ATXN2: variants seen among roughly 807,000 people sequenced by gnomAD.
The protein encoded by ATXN2 is ataxin-2.
A neutral mutation model predicts 138.6 loss-of-function variants in ATXN2; 37 were observed. The observed-to-expected ratio is 0.27, with a 90% CI of 0.21 to 0.35. The LOEUF (loss-of-function observed/expected upper bound fraction) is 0.35, where lower values mean the gene tolerates loss of function less well. Among genes scored for constraint, ATXN2 ranks in the 10% least tolerant of loss-of-function variants. The pLI, the probability that ATXN2 is intolerant of heterozygous loss-of-function variation, is 1.00. For missense variants in ATXN2, 1,216 were observed against 1,480.3 expected (o/e 0.82, Z 2.93); for synonymous variants, 549 against 543.7 (o/e 1.01, Z -0.13).
intron 1 of ATXN2, among the ~76,000 whole-genome samples, chr12:111,558,315 T>C: frequency 1.3e-5 from 2 of 152,298 alleles, no homozygotes; most frequent in Middle Eastern, 6.8e-3. Context: ...ACCAAATATT[T>C]TACTATTTAA....
intron 1 of ATXN2, among the ~76,000 whole-genome samples, chr12:111,591,416 T>C (rs779370572): frequency 2.6e-5 from 4 of 152,088 alleles, no homozygotes; most frequent in Non-Finnish European, 5.9e-5. Flanking sequence ...ACACCTGTAA[T>C]CTCAGCACTT....
At chr12:111,536,391 G>A (rs1437310217) in intron 5 of ATXN2, among the ~76,000 whole-genome samples, 1 of 152,098 alleles carries the variant, frequency 6.6e-6, no homozygotes, top group African/African-American at 2.4e-5. Flanking sequence ...AATCTACAGT[G>A]AGATACTACT....
In ATXN2 at chr12:111,552,502, T is replaced by G. The variant is rs1410993791; in HGVS notation, c.421-72A>C. ...AATTTGTTAGGAATTCTTTAGCTCA[T>G]CAAGGTACCAGTTCTTATATGCCTT... On this transcript the variant is annotated intron_variant, in intron 4 of 24. Transcript: ENST00000673436. This position sits in a 1 kb window ranked among gnomAD's most constrained non-coding sequence, Gnocchi z 4.1. The G allele has an allele frequency of 1.1e-5, 17 of 1,494,870 alleles. No homozygotes were observed. Among genetic ancestry groups the G allele is most frequent in the Non-Finnish European group, 1.5e-5 (17 of 1,115,420 alleles). The allele number at this position is 1,494,870 out of a possible 1,614,324, so 92.6% of individuals were successfully genotyped here.
At chr12:111,480,032 AAAAAAG>A (rs1877115425) in intron 18 of ATXN2, among the ~76,000 whole-genome samples, 2 of 151,808 alleles carry the variant, frequency 1.3e-5, no homozygotes, top group East Asian at 1.9e-4. Flanking sequence ...ATCAAAAAAA[AAAAAAG>A]AAAAAGAAAT....
At chr12:111,560,692 C>G (rs1330325540) in intron 1 of ATXN2, among the ~76,000 whole-genome samples, 1 of 152,040 alleles carries the variant, frequency 6.6e-6, no homozygotes, top group Non-Finnish European at 1.5e-5. Flanking sequence ...ACCACCACCC[C>G]CAACCATAGG....
intron 1 of ATXN2, among the ~76,000 whole-genome samples, chr12:111,585,853 T>C (rs939915032): frequency 3.3e-5 from 5 of 150,906 alleles, no homozygotes; most frequent in Non-Finnish European, 5.9e-5. Context: ...GTATACTTGT[T>C]GAGCTCTTGT....
At position 111,516,617 on chromosome 12, in the gene ATXN2, A is replaced by C. The variant is rs1879870565; in HGVS notation, c.1166-254T>G. Among the ~76,000 whole-genome samples the C allele has an allele frequency of 6.6e-6, 1 of 152,196 alleles. No homozygotes were observed. The highest frequency in any genetic ancestry group is 1.5e-5 in the Non-Finnish European group (1 of 68,028). ...AAAGGGTTAATTAGGATCTATACACACTATTGAAGAAGACAGTTAAGACTT... is the reference window on the plus strand; with the variant it reads ...AAAGGGTTAATTAGGATCTATACACCCTATTGAAGAAGACAGTTAAGACTT... On this transcript the variant is annotated intron_variant, in intron 9 of 24. Coordinates refer to ENST00000673436, the MANE Select transcript of ATXN2 (RefSeq NM_001372574.1). The surrounding 1 kb of genome is among the most constrained non-coding windows in gnomAD (Gnocchi z 5.0).
intron 1 of ATXN2, among the ~76,000 whole-genome samples, chr12:111,559,990 G>T (rs1220552086): frequency 6.6e-6 from 1 of 152,156 alleles, no homozygotes; most frequent in Non-Finnish European, 1.5e-5. Flanking sequence ...CTAAATTGTA[G>T]TTGTCTAGTT....
chr12:111,576,876 T>C (rs537049765), intron 1 of ATXN2, among the ~76,000 whole-genome samples: 7 of 151,918 alleles, frequency 4.6e-5, no homozygotes, highest in African/African-American at 9.7e-5. Flanking sequence ...GAGAATGGCA[T>C]GAACCTGGGA....
intron 10 of ATXN2, among the ~76,000 whole-genome samples, chr12:111,515,763 G>A (rs1879819330): frequency 6.6e-6 from 1 of 152,154 alleles, no homozygotes; most frequent in Admixed American, 6.5e-5. Context: ...CCAATAGGAA[G>A]GTTCACTAGG....
upstream of ATXN2, chr12:111,599,378 G>C (rs770648742): frequency 8.6e-7 from 1 of 1,161,520 alleles, no homozygotes; most frequent in South Asian, 4.2e-5. Context: ...CGGTCCCGGG[G>C]CCGCGCCACC....
At chr12:111,556,621 T>G (rs1882402612) in intron 1 of ATXN2, among the ~76,000 whole-genome samples, 1 of 151,684 alleles carries the variant, frequency 6.6e-6, no homozygotes, top group Admixed American at 6.6e-5. Context: ...TTCGAGACCA[T>G]CCTGGCTAAC....
chr12:111,479,085 C>T (rs1877029183), intron 18 of ATXN2: 2 of 391,376 alleles, frequency 5.1e-6, no homozygotes, highest in Non-Finnish European at 9.0e-6. Flanking sequence ...CTCAGCAATT[C>T]CAATTCTAGG....
At chr12:111,498,946 G>A (rs1476680672) in intron 14 of ATXN2, among the ~76,000 whole-genome samples, 1 of 152,106 alleles carries the variant, frequency 6.6e-6, no homozygotes, top group Non-Finnish European at 1.5e-5. Context: ...ATACACTGGG[G>A]AAAGGACAGT....
intron 21 of ATXN2, among the ~76,000 whole-genome samples, chr12:111,458,840 G>A (rs1028604872): frequency 6.6e-6 from 1 of 152,188 alleles, no homozygotes; most frequent in Non-Finnish European, 1.5e-5. Context: ...CGTAAATGGT[G>A]TGCAGAGGGT....
At chr12:111,532,529 G>A (rs1880893475) in intron 5 of ATXN2, among the ~76,000 whole-genome samples, 1 of 152,036 alleles carries the variant, frequency 6.6e-6, no homozygotes, top group South Asian at 2.1e-4. Context: ...AACATCAAGC[G>A]ATATGAAATT....
chr12:111,528,833 T>C (rs1020039556), intron 5 of ATXN2, among the ~76,000 whole-genome samples: 5 of 152,192 alleles, frequency 3.3e-5, no homozygotes, highest in Admixed American at 2.6e-4. Context: ...CAGGCCAACA[T>C]TGCATCATTA....
At chr12:111,497,876 C>T (rs904653284) in intron 14 of ATXN2, among the ~76,000 whole-genome samples, 2 of 151,908 alleles carry the variant, frequency 1.3e-5, no homozygotes, top group Non-Finnish European at 2.9e-5. Flanking sequence ...ATTAGCCGGG[C>T]GTGTTAGCGG....
At chr12:111,549,703 A>G (rs1882019868) in intron 5 of ATXN2, among the ~76,000 whole-genome samples, 1 of 152,176 alleles carries the variant, frequency 6.6e-6, no homozygotes, top group Non-Finnish European at 1.5e-5. Flanking sequence ...ACATGACTTA[A>G]TACTATTTTC....
Sources: gnomAD v4.1 joint callset for allele counts (sites outside exome capture counted in the v4.1 genomes callset) on GRCh38, gnomAD v4.1.1 for gene constraint, Gnocchi (gnomAD v3.1) non-coding constraint, MANE v1.5 for transcripts, NCBI Gene and HGNC (gene_info 2026-07-23, HGNC 2026-07-21) for gene names.